Variants in TCERG1 observed in about 807,000 individuals in gnomAD.
The protein encoded by TCERG1 is transcription elongation regulator 1.
A neutral mutation model predicts 144.7 loss-of-function variants in TCERG1; 37 were observed. That is an observed-to-expected ratio of 0.26 (90% CI 0.20 to 0.34). TCERG1 has a LOEUF of 0.34. Ranked by LOEUF, TCERG1 falls within the 10% of genes least tolerant of loss-of-function variation. The probability of loss-of-function intolerance (pLI) is 1.00; values close to 1 mark genes in which losing one functional copy is unlikely to be tolerated. For synonymous variants in TCERG1, 492 were observed against 458.2 expected, an observed-to-expected ratio of 1.07 and a Z score of -0.94; for missense variants, 1,027 against 1,380.7, an observed-to-expected ratio of 0.74 and a Z score of 4.06.
rs1336405469 is a variant in TCERG1 at position 146,498,584 on chromosome 5, C to G, written c.2331C>G (p.Phe777Leu). The change falls in exon 17 of 23, where the codon TTC becomes TTG. Residue 777 changes from phenylalanine to leucine, a missense_variant. Transcript: ENST00000679501. Reference protein sequence around the residue: ...FAAKHAKDSRFKAIEKMKDRE... With the variant: ...FAAKHAKDSRLKAIEKMKDRE... ...CCAAGCATGCTAAAGATTCAAGATTCAAAGCAATTGAAAAGATGAAAGACC... is the reference window on the plus strand; with the variant it reads ...CCAAGCATGCTAAAGATTCAAGATTGAAAGCAATTGAAAAGATGAAAGACC... 1 of 1,609,458 alleles carries G rather than the reference C, an allele frequency of 6.2e-7. No individual in the cohort carries two copies.
chr5:146,490,644 A>G lies in TCERG1; in HGVS notation c.2164-2276A>G, dbSNP rs191868043. On this transcript the variant is annotated intron_variant, in intron 15 of 22. Coordinates refer to ENST00000679501, the MANE Select transcript of TCERG1 (RefSeq NM_001382548.1). ...GGTATTTTTCCTAGAGGAAGGGTCT[A>G]TTGTGCTCAGTACTTGGCTGACCTT... Among the ~76,000 whole-genome samples the G allele has an allele frequency of 3.4e-4, 52 of 152,262 alleles. No homozygotes were observed. In the South Asian group the frequency reaches 3.9e-3, roughly 12 times the overall value.
At chr5:146,505,225 C>T (rs1767860897) in intron 19 of TCERG1, among the ~76,000 whole-genome samples, 1 of 152,070 alleles carries the variant, frequency 6.6e-6, no homozygotes. Flanking sequence ...TGTCCTACAC[C>T]CTGGACAATT....
chr5:146,477,008 C>T (rs765694216), intron 9 of TCERG1, among the ~76,000 whole-genome samples: 12 of 152,136 alleles, frequency 7.9e-5, no homozygotes, highest in Admixed American at 1.3e-4. Flanking sequence ...GAGTGATCCT[C>T]GCACCTCAGC....
intron 22 of TCERG1, 123 bp from the exon 23 acceptor site, chr5:146,510,318 T>TA (rs546570760): frequency 0.079 from 43,278 of 545,566 alleles, 46 homozygotes; most frequent in Non-Finnish European, 0.089. Context: ...AAATTTTTCT[T>TA]AAAAAAAAAA....
chr5:146,482,797 G>T, intron 14 of TCERG1, 70 bp downstream of exon 14: 2 of 1,481,630 alleles, frequency 1.3e-6, no homozygotes, highest in South Asian at 1.4e-5. Flanking sequence ...TTGCTAAAAG[G>T]TCAAATCTAA....
intron 5 of TCERG1, among the ~76,000 whole-genome samples, chr5:146,465,469 T>C (rs990939111): frequency 6.6e-6 from 1 of 152,196 alleles, no homozygotes; most frequent in South Asian, 2.1e-4. Context: ...TCCCTCTGGC[T>C]CTAGCTTCAT....
intron 21 of TCERG1, 93 bp from the exon 22 acceptor site, chr5:146,509,052 C>A: frequency 1.7e-6 from 1 of 602,338 alleles, no homozygotes; most frequent in Non-Finnish European, 2.7e-6. Context: ...TATTATGTGA[C>A]TTACACATTA....
intron 15 of TCERG1, among the ~76,000 whole-genome samples, chr5:146,483,877 A>G (rs979257948): frequency 1.1e-4 from 17 of 151,972 alleles, no homozygotes; most frequent in African/African-American, 4.1e-4. Context: ...TACCTAGGTT[A>G]TGTGTAGTAT....
At chr5:146,509,491 C>A (rs1211629473) in intron 22 of TCERG1, among the ~76,000 whole-genome samples, 1 of 138,812 alleles carries the variant, frequency 7.2e-6, no homozygotes, top group African/African-American at 2.6e-5. Flanking sequence ...TGAATACATA[C>A]CTTTTTTTTT....
intron 19 of TCERG1, chr5:146,505,362 A>G (rs1365854814): frequency 6.6e-6 from 1 of 152,204 alleles, no homozygotes; most frequent in Non-Finnish European, 1.5e-5. Context: ...CTTGCAGGGG[A>G]TGAAGGTTCT....
chr5:146,451,779 T>TA (rs1762382036), intron 1 of TCERG1, among the ~76,000 whole-genome samples: 1 of 149,704 alleles, frequency 6.7e-6, no homozygotes, highest in East Asian at 2.0e-4. Context: ...ATTAGTTTTT[T>TA]TTTTTTTTAA....
chr5:146,451,803 T>G (rs1202693340), intron 1 of TCERG1, among the ~76,000 whole-genome samples: 1 of 151,252 alleles, frequency 6.6e-6, no homozygotes, highest in Non-Finnish European at 1.5e-5. Flanking sequence ...TTTAATTTTT[T>G]TGAGACTTGA....
intron 19 of TCERG1, among the ~76,000 whole-genome samples, chr5:146,504,716 CA>C: frequency 6.6e-6 from 1 of 152,216 alleles, no homozygotes; most frequent in Middle Eastern, 3.4e-3. Context: ...TTCCCTGGGC[CA>C]CATTGGAAGG....
rs146884529 is a variant in TCERG1 at position 146,468,357 on chromosome 5, A to G, written c.1152A>G (p.Gln384=). The G allele has an allele frequency of 4.3e-5, 69 of 1,610,488 alleles. No homozygotes were observed. Among genetic ancestry groups the G allele is most frequent in the Non-Finnish European group, 5.7e-5 (67 of 1,178,392 alleles). The part of the protein sequence containing the change: ...PIPLPGVAMM[Q]IVSCPYVKTV... Reference sequence around the variant, plus strand: ...ATTTTACAGGTGTAGCAATGATGCAAATAGTCAGCTGCCCGTATGTAAAGA... The same window carrying G: ...ATTTTACAGGTGTAGCAATGATGCAGATAGTCAGCTGCCCGTATGTAAAGA... The change falls in exon 6 of 23, where the codon CAA becomes CAG. Residue 384 remains glutamine (Q), a synonymous_variant. Transcript: ENST00000679501.
At chr5:146,455,337 T>C in intron 2 of TCERG1, 56 bp downstream of exon 2, 1 of 1,584,338 alleles carries the variant, frequency 6.3e-7, no homozygotes, top group East Asian at 2.2e-5. Flanking sequence ...ATATTATATA[T>C]GGGTTTTGAG....
intron 15 of TCERG1, among the ~76,000 whole-genome samples, chr5:146,486,863 T>C (rs1765885288): frequency 6.6e-6 from 1 of 152,046 alleles, no homozygotes; most frequent in Non-Finnish European, 1.5e-5. Flanking sequence ...TCACATGAGG[T>C]CAGGAGTTCG....
rs760340309 is a variant in TCERG1, at chr5:146,509,258, A to C, written c.3146+13A>C. The C allele has an allele frequency of 6.4e-6, 10 of 1,556,158 alleles. No individual in the cohort carries two copies. In the South Asian group the frequency reaches 1.2e-4, roughly 18 times the overall value. On this transcript the variant is annotated intron_variant, in intron 22 of 22. Coordinates refer to ENST00000679501, the MANE Select transcript of TCERG1 (RefSeq NM_001382548.1). ...TTATAACATATAGGTGTGTGCAATG[A>C]AATGTTTCATATTGGCAGTCATTCT...
chr5:146,510,799 A>G lies in TCERG1; in HGVS notation c.*157A>G, dbSNP rs1768400095. On this transcript the variant is annotated 3_prime_UTR_variant, in exon 23 of 23. Coordinates refer to ENST00000679501, the MANE Select transcript of TCERG1 (RefSeq NM_001382548.1). ...ACAGTTTCTGAACAGAACACTTTGG[A>G]AATATTTATGCTTTTCTTTGTGTGG... 3.4e-6 allele frequency: 2 copies of G among 593,856 alleles called. No homozygotes were observed. Among genetic ancestry groups the G allele is most frequent in the Non-Finnish European group, 5.4e-6 (2 of 370,252 alleles). The allele number at this position is 593,856 out of a possible 1,614,324, so 36.8% of individuals were successfully genotyped here.
chr5:146,485,335 G>T (rs1392246028), intron 15 of TCERG1, among the ~76,000 whole-genome samples: 1 of 152,012 alleles, frequency 6.6e-6, no homozygotes, highest in Non-Finnish European at 1.5e-5. Context: ...GGCTCTAATT[G>T]TATAAAATTA....
Sources: allele counts gnomAD v4.1 joint callset (sites outside exome capture counted in the v4.1 genomes callset), GRCh38; gene constraint gnomAD v4.1.1; transcripts MANE v1.5; gene names NCBI Gene and HGNC (gene_info 2026-07-23, HGNC 2026-07-21).